The following SUFU variants were observed in gnomAD, a reference collection of about 807,000 sequenced individuals.
The protein encoded by SUFU is SUFU negative regulator of hedgehog signaling.
Under a neutral mutation model 58.9 loss-of-function variants are expected in SUFU, and 7 were observed. The observed-to-expected ratio is 0.12, with a 90% CI of 0.07 to 0.22. The LOEUF (loss-of-function observed/expected upper bound fraction) is 0.22. Ranked by LOEUF, SUFU falls within the 10% of genes least tolerant of loss-of-function variation. The pLI, the probability that SUFU is intolerant of heterozygous loss-of-function variation, is 1.00. For missense variants in SUFU, 451 were observed against 641.3 expected (o/e 0.70, Z 3.20); for synonymous variants, 232 against 254.8 (o/e 0.91, Z 0.85).
chr10:102,616,222 C>T (rs539051930), intron 9 of SUFU, among the ~76,000 whole-genome samples: 1 of 152,352 alleles, frequency 6.6e-6, no homozygotes, highest in South Asian at 2.1e-4. Flanking sequence ...CAGAACTCAG[C>T]TCTGTGCTCA....
chr10:102,514,671 C>T (rs576545484), intron 2 of SUFU, among the ~76,000 whole-genome samples: 4 of 152,312 alleles, frequency 2.6e-5, no homozygotes, highest in South Asian at 4.1e-4. Flanking sequence ...CAAGTGCTGT[C>T]GGAGCTTGCA....
chr10:102,594,614 G>T (rs1235879212), intron 6 of SUFU, among the ~76,000 whole-genome samples: 1 of 152,206 alleles, frequency 6.6e-6, no homozygotes, highest in Non-Finnish European at 1.5e-5. Flanking sequence ...GCTGGCAGCT[G>T]CCCACTCCCT....
chr10:102,571,902 T>C (rs10786686), intron 3 of SUFU, among the ~76,000 whole-genome samples: 151,987 of 152,278 alleles, frequency 1, 75,849 homozygotes, highest in East Asian at 1. Flanking sequence ...AAGAATATGC[T>C]TCCAAGTTCC....
At chr10:102,510,822 T>TA (rs1383892104) in intron 2 of SUFU, among the ~76,000 whole-genome samples, 1 of 149,774 alleles carries the variant, frequency 6.7e-6, no homozygotes, top group Non-Finnish European at 1.5e-5. Flanking sequence ...AACTGTGTCT[T>TA]AAAAAAATAA....
intron 2 of SUFU, among the ~76,000 whole-genome samples, chr10:102,544,135 C>T (rs2062830970): frequency 6.6e-6 from 1 of 152,098 alleles, no homozygotes; most frequent in African/African-American, 2.4e-5. Context: ...ATACAGACTT[C>T]AAGTTCTAGC....
intron 8 of SUFU, among the ~76,000 whole-genome samples, chr10:102,606,411 G>A (rs545376301): frequency 4.6e-5 from 7 of 152,250 alleles, no homozygotes; most frequent in Non-Finnish European, 4.4e-5. Flanking sequence ...TTTTTATTGC[G>A]CATCACCTTG....
At chr10:102,526,981 A>G (rs2062615347) in intron 2 of SUFU, among the ~76,000 whole-genome samples, 1 of 149,330 alleles carries the variant, frequency 6.7e-6, no homozygotes, top group African/African-American at 2.5e-5. Flanking sequence ...ATAAATTATA[A>G]TTATTATTAT....
At chr10:102,616,742 C>CT (rs1036570463) in intron 9 of SUFU, among the ~76,000 whole-genome samples, 13 of 151,736 alleles carry the variant, frequency 8.6e-5, no homozygotes, top group Non-Finnish European at 1.3e-4. Flanking sequence ...TGCTTGCTTG[C>CT]TTTTTTTTTA....
chr10:102,544,131 A>C (rs2062830931), intron 2 of SUFU, among the ~76,000 whole-genome samples: 1 of 152,092 alleles, frequency 6.6e-6, no homozygotes, highest in Admixed American at 6.6e-5. Flanking sequence ...AGTTATACAG[A>C]CTTCAAGTTC....
chr10:102,507,613 A>G (rs1319957681), intron 1 of SUFU, among the ~76,000 whole-genome samples: 1 of 152,254 alleles, frequency 6.6e-6, no homozygotes, highest in African/African-American at 2.4e-5. Flanking sequence ...GCATTTCCTA[A>G]CAGAGAATAG....
intron 3 of SUFU, among the ~76,000 whole-genome samples, chr10:102,555,356 C>T (rs1590024455): frequency 7.0e-6 from 1 of 143,370 alleles, no homozygotes; most frequent in East Asian, 2.1e-4. Context: ...ACAGACCCTA[C>T]TTAACAGCAA....
At chr10:102,573,280 C>T (rs1306629000) in intron 3 of SUFU, 1 of 624,826 alleles carries the variant, frequency 1.6e-6, no homozygotes, top group African/African-American at 1.8e-5. Flanking sequence ...TTTGGCCTCA[C>T]AGCCGTTAGA....
intron 10 of SUFU, among the ~76,000 whole-genome samples, chr10:102,626,488 G>A (rs1441670018): frequency 6.6e-6 from 1 of 152,194 alleles, no homozygotes; most frequent in East Asian, 1.9e-4. Context: ...GTGACCTAGA[G>A]AAGAGGAACC....
At chr10:102,581,417 T>C (rs1382155602) in intron 3 of SUFU, among the ~76,000 whole-genome samples, 3 of 152,132 alleles carry the variant, frequency 2.0e-5, no homozygotes, top group African/African-American at 7.2e-5. Context: ...TCTCCTCCTC[T>C]CACTGGGGAG....
chr10:102,631,070 G>C lies in SUFU; in HGVS notation c.*915G>C, dbSNP rs886046656. 13 of 233,340 alleles carry C rather than the reference G, an allele frequency of 5.6e-5. No homozygotes were observed. Among genetic ancestry groups the C allele is most frequent in the Admixed American group, 2.8e-4 (5 of 17,772 alleles). 14.5% of individuals were successfully genotyped at this position (233,340 alleles called of 1,614,324 possible). Reference sequence around the variant, plus strand: ...CACCCAACCAGGCCTACCTGGGAGAGGGTGAGGTTCAGCACATCACACACC... The same window carrying C: ...CACCCAACCAGGCCTACCTGGGAGACGGTGAGGTTCAGCACATCACACACC... On this transcript the variant is annotated 3_prime_UTR_variant, in exon 12 of 12. Transcript: ENST00000369902.
chr10:102,564,106 C>T (rs1265508691), intron 3 of SUFU, among the ~76,000 whole-genome samples: 1 of 152,216 alleles, frequency 6.6e-6, no homozygotes, highest in African/African-American at 2.4e-5. Context: ...TCAGGCTTTG[C>T]CTCCTCTTCC....
At chr10:102,532,341 G>A (rs2062686419) in intron 2 of SUFU, among the ~76,000 whole-genome samples, 1 of 152,198 alleles carries the variant, frequency 6.6e-6, no homozygotes, top group South Asian at 2.1e-4. Flanking sequence ...GCCCTCTAGG[G>A]CAGGGAGCAG....
intron 1 of SUFU, among the ~76,000 whole-genome samples, chr10:102,508,585 C>G (rs1317040517): frequency 6.6e-6 from 1 of 152,150 alleles, no homozygotes. Flanking sequence ...GATAAGAGAC[C>G]AGCTTTGGTC....
intron 2 of SUFU, among the ~76,000 whole-genome samples, chr10:102,525,989 C>T (rs1490306099): frequency 2.6e-5 from 4 of 152,022 alleles, no homozygotes; most frequent in Admixed American, 2.6e-4. Context: ...AAAGCAGGGC[C>T]CCAGCTACTC....
Sources: gnomAD v4.1 joint callset for allele counts (sites outside exome capture counted in the v4.1 genomes callset) on GRCh38, gnomAD v4.1.1 for gene constraint, MANE v1.5 for transcripts, NCBI Gene and HGNC (gene_info 2026-07-23, HGNC 2026-07-21) for gene names.